SLC39A10: variants seen among roughly 807,000 people sequenced by gnomAD.
The protein encoded by SLC39A10 is zinc transporter ZIP10.
A neutral mutation model predicts 65.1 loss-of-function variants in SLC39A10; 13 were observed. The ratio of observed to expected loss-of-function variants is 0.20; its 90% confidence interval spans 0.13 to 0.32. The LOEUF is 0.32. SLC39A10 is among the 10% of genes least tolerant of loss of function. SLC39A10 has a pLI of 1.00. For synonymous variants in SLC39A10, 321 were observed against 342.2 expected (o/e 0.94, Z 0.68); for missense variants, 831 against 1,018.4 (o/e 0.82, Z 2.50).
chr2:195,685,260 G>A (rs1690481929), intron 3 of SLC39A10, among the ~76,000 whole-genome samples: 1 of 152,030 alleles, frequency 6.6e-6, no homozygotes, highest in Non-Finnish European at 1.5e-5. Context: ...AATTAAGTTA[G>A]TTCTGGTATC....
intron 2 of SLC39A10, among the ~76,000 whole-genome samples, chr2:195,626,725 TA>T (rs1413803021): frequency 6.6e-6 from 1 of 152,158 alleles, no homozygotes; most frequent in African/African-American, 2.4e-5. Context: ...AGGCTATAGT[TA>T]GAGTCAGCTG....
At chr2:195,633,765 A>C (rs909259263) in intron 2 of SLC39A10, among the ~76,000 whole-genome samples, 4 of 152,102 alleles carry the variant, frequency 2.6e-5, no homozygotes, top group Admixed American at 6.5e-5. Context: ...TGTCCCTCTG[A>C]AGTCAAACTA....
At chr2:195,717,292 A>T in intron 7 of SLC39A10, 1 of 286,672 alleles carries the variant, frequency 3.5e-6, no homozygotes, top group East Asian at 6.7e-5. Context: ...TTATATTTTC[A>T]AATGTATTTA....
rs1690363437 is a variant in SLC39A10, at chr2:195,682,485, T to A, written c.1009-1214T>A. ...AAATTTATTTTTTGTAAAGATGGGG[T>A]CTCACTATATTGCCCAGACTGGTCT... On this transcript the variant is annotated intron_variant, in intron 2 of 9. Coordinates refer to ENST00000359634, the MANE Select transcript of SLC39A10 (RefSeq NM_020342.3). Among the ~76,000 whole-genome samples the A allele has an allele frequency of 4.0e-5, 6 of 149,020 alleles. No individual in the cohort carries two copies. In the Admixed American group the frequency reaches 4.1e-4, roughly 10 times the overall value.
At position 195,725,846 on chromosome 2, in the gene SLC39A10, A is replaced by G. The variant is rs549020744; in HGVS notation, c.2147-2313A>G. ...GCATTATTCTAAGTGAACAAAATCT[A>G]AACTTGAAAGACTACATACTGTGTG... On this transcript the variant is annotated intron_variant, in intron 8 of 9. Transcript: ENST00000359634. Among the ~76,000 whole-genome samples the G allele has an allele frequency of 7.2e-5, 11 of 152,328 alleles. No individual in the cohort carries two copies. In the East Asian group the frequency reaches 2.1e-3, roughly 29 times the overall value.
chr2:195,728,386 G>GCA lies in SLC39A10; in HGVS notation c.2337+38_2337+39dup. On this transcript the variant is annotated intron_variant, in intron 9 of 9. Coordinates refer to ENST00000359634, the MANE Select transcript of SLC39A10 (RefSeq NM_020342.3). This position sits in a 1 kb window ranked among gnomAD's most constrained non-coding sequence, Gnocchi z 4.4. ...TATATTTTTTTGTGGTACTAAACCTGCAAATGAAAGAAATCCTTGGAAGTG... is the reference window on the plus strand; with the variant it reads ...TATATTTTTTTGTGGTACTAAACCTGCACAAATGAAAGAAATCCTTGGAAGTG... 6.5e-7 allele frequency: 1 copy of GCA among 1,545,300 alleles called. No individual in the cohort carries two copies. The highest frequency in any genetic ancestry group is 8.8e-7 in the Non-Finnish European group (1 of 1,137,314).
chr2:195,636,999 C>G (rs1688709427), intron 2 of SLC39A10, among the ~76,000 whole-genome samples: 1 of 152,012 alleles, frequency 6.6e-6, no homozygotes, highest in Non-Finnish European at 1.5e-5. Context: ...CCCTATGTAC[C>G]TAATTCCCTC....
At chr2:195,671,957 ATCTT>A (rs535272560) in intron 1 of SLC39A10, among the ~76,000 whole-genome samples, 1 of 149,898 alleles carries the variant, frequency 6.7e-6, no homozygotes, top group Non-Finnish European at 1.5e-5. Flanking sequence ...CGGAGCGGTC[ATCTT>A]TTTTTTTTTT....
intron 3 of SLC39A10, among the ~76,000 whole-genome samples, chr2:195,688,833 C>T (rs556364748): frequency 9.2e-5 from 14 of 152,054 alleles, no homozygotes; most frequent in Non-Finnish European, 1.3e-4. Context: ...AAATATATTC[C>T]GATAATTTTA....
At chr2:195,713,904 C>CA (rs1426671674) in intron 6 of SLC39A10, among the ~76,000 whole-genome samples, 1 of 151,782 alleles carries the variant, frequency 6.6e-6, no homozygotes, top group Non-Finnish European at 1.5e-5. Flanking sequence ...TAATCAGCAA[C>CA]AGACCACAGG....
At chr2:195,673,307 C>T (rs981270482) in intron 1 of SLC39A10, among the ~76,000 whole-genome samples, 6 of 152,102 alleles carry the variant, frequency 3.9e-5, no homozygotes, top group Admixed American at 2.6e-4. Flanking sequence ...TTCTGACACG[C>T]CACCATGCCC....
intron 2 of SLC39A10, among the ~76,000 whole-genome samples, chr2:195,616,903 C>A (rs527688333): frequency 1.3e-5 from 2 of 152,046 alleles, no homozygotes; most frequent in Admixed American, 6.6e-5. Flanking sequence ...GCCCCCGGCC[C>A]GGAAAATCTT....
intron 2 of SLC39A10, among the ~76,000 whole-genome samples, chr2:195,620,618 GT>G (rs1688329856): frequency 6.6e-6 from 1 of 152,078 alleles, no homozygotes; most frequent in Non-Finnish European, 1.5e-5. Context: ...AAGGATTGAA[GT>G]TCCTGATCCC....
intron 1 of SLC39A10, among the ~76,000 whole-genome samples, chr2:195,659,768 AG>A (rs1689309798): frequency 6.6e-6 from 1 of 152,208 alleles, no homozygotes; most frequent in African/African-American, 2.4e-5. Context: ...AAAAGGCTGA[AG>A]ATGATAGTGA....
At chr2:195,679,597 G>A (rs1690225368) in intron 1 of SLC39A10, among the ~76,000 whole-genome samples, 1 of 151,940 alleles carries the variant, frequency 6.6e-6, no homozygotes, top group Admixed American at 6.6e-5. Flanking sequence ...CGTTTATTTA[G>A]GTCTTTTATT....
chr2:195,658,514 G>A (rs543249553), intron 1 of SLC39A10: 16 of 152,324 alleles, frequency 1.1e-4, no homozygotes, highest in Admixed American at 5.2e-4. Context: ...CATTCTTGGA[G>A]CAAAACTAGA....
Position 195,735,360 on chromosome 2 carries a change from C to G in SLC39A10, c.*319C>G, listed in dbSNP as rs566809450. On this transcript the variant is annotated 3_prime_UTR_variant, in exon 10 of 10. Coordinates refer to ENST00000359634, the MANE Select transcript of SLC39A10 (RefSeq NM_020342.3). ...TCTTTATTAGTAGAAACTTCTGTGG[C>G]TATGCAGAAATAGAGATCGAACCAA... 5.4e-6 allele frequency: 1 copy of G among 186,136 alleles called. No individual in the cohort carries two copies. Among genetic ancestry groups the G allele is most frequent in the East Asian group, 1.3e-4 (1 of 7,606 alleles). 11.5% of individuals were successfully genotyped at this position (186,136 alleles called of 1,614,324 possible).
At chr2:195,685,939 A>G (rs1192568655) in intron 3 of SLC39A10, among the ~76,000 whole-genome samples, 1 of 152,226 alleles carries the variant, frequency 6.6e-6, no homozygotes, top group East Asian at 1.9e-4. Flanking sequence ...ATGTGAATGT[A>G]TCAGTCAGCC....
At chr2:195,722,311 G>A (rs1692072657) in intron 8 of SLC39A10, among the ~76,000 whole-genome samples, 3 of 152,200 alleles carry the variant, frequency 2.0e-5, no homozygotes, top group African/African-American at 4.8e-5. Flanking sequence ...ATACCATACT[G>A]TAGCTGGATA....
Sources: gnomAD v4.1 joint callset for allele counts (sites outside exome capture counted in the v4.1 genomes callset) on GRCh38, gnomAD v4.1.1 for gene constraint, Gnocchi (gnomAD v3.1) non-coding constraint, MANE v1.5 for transcripts, NCBI Gene and HGNC (gene_info 2026-07-23, HGNC 2026-07-21) for gene names.